MGAM2: variants seen among roughly 807,000 people sequenced by gnomAD.
MGAM2 encodes the protein probable maltase-glucoamylase 2.
Under a neutral mutation model 96.1 loss-of-function variants are expected in MGAM2, and 98 were observed. The observed-to-expected ratio is 1.02, with a 90% CI of 0.87 to 1.21. The LOEUF (loss-of-function observed/expected upper bound fraction) is 1.21, where lower values mean the gene tolerates loss of function less well. MGAM2 is among the 50% of genes most tolerant of loss of function. The pLI, the probability that MGAM2 is intolerant of heterozygous loss-of-function variation, is 0.00. For synonymous variants in MGAM2, 749 were observed against 414.8 expected (o/e 1.81, Z -9.79); for missense variants, 2,055 against 1,182.4 (o/e 1.74, Z -10.82).
intron 15 of MGAM2, 69 bp downstream of exon 15, chr7:142,147,642 C>G: frequency 1.5e-6 from 1 of 645,896 alleles, no homozygotes; most frequent in Non-Finnish European, 2.8e-6. Context: ...GGTTTTTCTT[C>G]TGTTCTATAT....
intron 19 of MGAM2, among the ~76,000 whole-genome samples, 166 bp from the exon 20 acceptor site, chr7:142,159,121 G>A (rs1023306101): frequency 2.0e-5 from 3 of 152,144 alleles, no homozygotes; most frequent in Non-Finnish European, 4.4e-5. Flanking sequence ...TTCTGCTTTG[G>A]GTAAATTGCT....
At chr7:142,217,322 C>G (rs1218513859) in intron 46 of MGAM2, among the ~76,000 whole-genome samples, 1 of 152,194 alleles carries the variant, frequency 6.6e-6, no homozygotes, top group Non-Finnish European at 1.5e-5. Context: ...TTAACTTGTG[C>G]AGTACTATGT....
At chr7:142,168,271 CTTTT>C (rs71727326) in intron 26 of MGAM2, among the ~76,000 whole-genome samples, 34 of 140,904 alleles carry the variant, frequency 2.4e-4, no homozygotes, top group Admixed American at 7.1e-5. Context: ...GCATTTCTTT[CTTTT>C]TTTTTTTTTT....
intron 17 of MGAM2, among the ~76,000 whole-genome samples, chr7:142,155,168 G>C (rs1296585863): frequency 6.6e-6 from 1 of 152,162 alleles, no homozygotes; most frequent in Non-Finnish European, 1.5e-5. Flanking sequence ...TTTTATTTCA[G>C]TTAATACAAG....
intron 26 of MGAM2, among the ~76,000 whole-genome samples, chr7:142,168,110 C>T (rs1223930812): frequency 1.3e-5 from 2 of 152,056 alleles, no homozygotes; most frequent in African/African-American, 4.8e-5. Flanking sequence ...TAACTTAATT[C>T]TAATATTAGA....
At chr7:142,202,824 G>A (rs1358228926) in intron 45 of MGAM2, among the ~76,000 whole-genome samples, 1 of 152,092 alleles carries the variant, frequency 6.6e-6, no homozygotes, top group Non-Finnish European at 1.5e-5. Flanking sequence ...TTTCCTTTGG[G>A]ACATACCAAG....
rs1456468556 is a variant in MGAM2, at chr7:142,183,408, C to T, written c.3924+35C>T. 3 of 697,066 alleles carry T rather than the reference C, an allele frequency of 4.3e-6. No homozygotes were observed. The South Asian group carries it at 4.5e-5, about 11-fold the overall frequency. 43.2% of individuals were successfully genotyped at this position (697,066 alleles called of 1,614,324 possible). ...GGGGAAGATGCTTACAGTTAATTAA[C>T]ATTACAATGTCTTGAAATAAAACAG... On this transcript the variant is annotated intron_variant, in intron 33 of 47. Coordinates refer to ENST00000477922, the MANE Select transcript of MGAM2 (RefSeq NM_001293626.2).
chr7:142,162,080 G>T, intron 23 of MGAM2, 76 bp downstream of exon 23: 2 of 611,088 alleles, frequency 3.3e-6, no homozygotes, highest in South Asian at 4.0e-5. Flanking sequence ...GTTTAATATA[G>T]ACACATGGTT....
In MGAM2 at chr7:142,180,613, A is replaced by G. The variant is rs547698595; in HGVS notation, c.3817-2653A>G. Reference sequence around the variant, plus strand: ...AAGAATGGGGAAATTTTCATGGACAATATCTTCAAATATGCTTTCCAAATA... The same window carrying G: ...AAGAATGGGGAAATTTTCATGGACAGTATCTTCAAATATGCTTTCCAAATA... On this transcript the variant is annotated intron_variant, in intron 32 of 47. Transcript: ENST00000477922. Among the ~76,000 whole-genome samples the G allele has an allele frequency of 5.2e-4, 79 of 152,292 alleles. No individual in the cohort carries two copies. The Middle Eastern group carries it at 0.031, about 59-fold the overall frequency.
At chr7:142,131,448 A>AAAAAC (rs1208000016) in intron 4 of MGAM2, 70 bp from the exon 5 acceptor site, 1 of 677,346 alleles carries the variant, frequency 1.5e-6, no homozygotes, top group East Asian at 2.7e-5. Context: ...AAACAAAAAC[A>AAAAAC]AAAACAAAAC....
chr7:142,170,111 G>A lies in MGAM2; in HGVS notation c.3064G>A (p.Val1022Ile), dbSNP rs1796145204. ...DPTNKRYEVP[V>I]PLNTPPQPVG... ...CACTAATAAAAGGTATGAGGTTCCA[G>A]TACCACTGAACACCCCTCCCCAACC... Residue 1022 changes from valine to isoleucine, a missense_variant, in exon 27 of 48, where the codon GTA (valine) becomes ATA (isoleucine). By Grantham distance (29) the Val-to-Ile change is conservative. Coordinates refer to ENST00000477922, the MANE Select transcript of MGAM2 (RefSeq NM_001293626.2). 2.8e-6 allele frequency: 2 copies of A among 702,784 alleles called. No homozygotes were observed. Among genetic ancestry groups the A allele is most frequent in the Non-Finnish European group, 5.2e-6 (2 of 384,934 alleles). The allele number at this position is 702,784 out of a possible 1,614,324, so 43.5% of individuals were successfully genotyped here.
In MGAM2 at chr7:142,136,617, T is replaced by A; in HGVS notation, c.824T>A (p.Phe275Tyr). Residue 275 changes from phenylalanine (F) to tyrosine (Y), a missense_variant, in exon 8 of 48, where the codon TTT becomes TAT. Coordinates refer to ENST00000477922, the MANE Select transcript of MGAM2 (RefSeq NM_001293626.2). ...EDARGSSFGV[F>Y]LMNSNAMEVT... is the part of the protein sequence containing the mutation. ...GCCAGGGGCTCCTCTTTTGGAGTAT[T>A]TCTGATGAACAGTAATGCCATGGGT... The A allele has an allele frequency of 1.4e-6, 1 of 702,594 alleles. No individual in the cohort carries two copies. The allele number at this position is 702,594 out of a possible 1,614,324, so 43.5% of individuals were successfully genotyped here. A position where few individuals can be genotyped will look rare whatever the true frequency, so the allele number is the denominator to read the frequency against.
At chr7:142,153,875 T>C (rs1438466702) in intron 15 of MGAM2, 143 bp from the exon 16 acceptor site, 1 of 463,538 alleles carries the variant, frequency 2.2e-6, no homozygotes, top group Non-Finnish European at 3.9e-6. Flanking sequence ...TCTTAGATAG[T>C]ACTAAGTTTA....
At chr7:142,161,655 T>C (rs1795890892) in intron 22 of MGAM2, among the ~76,000 whole-genome samples, 1 of 152,232 alleles carries the variant, frequency 6.6e-6, no homozygotes, top group South Asian at 2.1e-4. Context: ...ATGGAATTAG[T>C]ATGTATTGTG....
At position 142,193,105 on chromosome 7, in the gene MGAM2, G is replaced by T. The variant is rs138970258; in HGVS notation, c.4347-3049G>T. Among the ~76,000 whole-genome samples the T allele has an allele frequency of 1.4e-3, 220 of 152,062 alleles. 2 individuals are homozygous for T. Among genetic ancestry groups the T allele is most frequent in the African/African-American group, 5.1e-3 (213 of 41,488 alleles). On this transcript the variant is annotated intron_variant, in intron 37 of 47. Coordinates refer to ENST00000477922, the MANE Select transcript of MGAM2 (RefSeq NM_001293626.2). ...TCTTTCAACTCCCTCTCATATTCAA[G>T]CTGTTTGAAGGAACTCTTTCCATAC... is the stretch of plus-strand genomic sequence containing the variant.
intron 44 of MGAM2, among the ~76,000 whole-genome samples, chr7:142,199,332 A>T (rs1011569588): frequency 1.3e-5 from 2 of 152,222 alleles, no homozygotes; most frequent in African/African-American, 4.8e-5. Flanking sequence ...GGTTTATATG[A>T]AAGAGGGCTT....
intron 15 of MGAM2, among the ~76,000 whole-genome samples, chr7:142,153,313 A>G (rs76598867): frequency 0.06 from 9,141 of 152,112 alleles, 353 homozygotes; most frequent in African/African-American, 0.1. Flanking sequence ...TTTCATTTCT[A>G]TATTGTTTTA....
chr7:142,181,287 C>T (rs536597565), intron 32 of MGAM2, among the ~76,000 whole-genome samples: 1 of 152,236 alleles, frequency 6.6e-6, no homozygotes, highest in Non-Finnish European at 1.5e-5. Flanking sequence ...GGCTTCATTT[C>T]TGGGTGCTTT....
chr7:142,181,872 C>T (rs73158465), intron 32 of MGAM2, among the ~76,000 whole-genome samples: 28,682 of 152,072 alleles, frequency 0.19, 2,966 homozygotes, highest in East Asian at 0.34. Context: ...GCCCTCTCAG[C>T]TTGCTCTCCC....
Sources: gnomAD v4.1 joint callset for allele counts (sites outside exome capture counted in the v4.1 genomes callset) on GRCh38, gnomAD v4.1.1 for gene constraint, MANE v1.5 for transcripts, NCBI Gene and HGNC (gene_info 2026-07-23, HGNC 2026-07-21) for gene names.